The following REXO5 variants were observed in gnomAD, a reference collection of about 807,000 sequenced individuals.
REXO5 encodes the protein RNA exonuclease 5, also known as exonuclease NEF-sp.
A neutral mutation model predicts 88.5 loss-of-function variants in REXO5; 48 were observed. That is an observed-to-expected ratio of 0.54 (90% confidence interval 0.43 to 0.69). The LOEUF (loss-of-function observed/expected upper bound fraction) is 0.69. Ranked by LOEUF, REXO5 falls within the 30% of genes least tolerant of loss-of-function variation. The pLI is 0.00. For missense variants in REXO5, 749 were observed against 912.2 expected (o/e 0.82, Z 2.30); for synonymous variants, 311 against 336.5 (o/e 0.92, Z 0.83).
intron 13 of REXO5, among the ~76,000 whole-genome samples, chr16:20,839,204 C>A (rs1370874611): frequency 6.6e-6 from 1 of 152,230 alleles, no homozygotes; most frequent in African/African-American, 2.4e-5. Flanking sequence ...CTCTATATAT[C>A]TGATTCTTCT....
Position 20,839,949 on chromosome 16 carries a change from T to C in REXO5, c.1488+90T>C, listed in dbSNP as rs918475857. The stretch of plus-strand genomic sequence containing the variant: ...AAAGTAATACATGCTTTATTTAATT[T>C]GTTGTGTTTTTCTCTAGATTTTTAC... On this transcript the variant is annotated intron_variant, in intron 14 of 19. Transcript: ENST00000261377. 13 of 813,374 alleles carry C rather than the reference T, an allele frequency of 1.6e-5. No individual in the cohort carries two copies. The African/African-American group carries it at 2.0e-4, about 13-fold the overall frequency. The allele number at this position is 813,374 out of a possible 1,614,324, so 50.4% of individuals were successfully genotyped here.
chr16:20,819,270 T>G (rs2081129069), intron 5 of REXO5, among the ~76,000 whole-genome samples: 1 of 152,162 alleles, frequency 6.6e-6, no homozygotes, highest in African/African-American at 2.4e-5. Context: ...GTAACATGAT[T>G]GCTGGCTCAA....
chr16:20,833,126 G>A lies in REXO5; in HGVS notation c.1383+3G>A, dbSNP rs535423060. On this transcript the variant is annotated splice_donor_region_variant and intron_variant, in intron 13 of 19. Transcript: ENST00000261377. ...TTAAGTGTCTTTCAAATAAAGAGGT[G>A]AGTGGCCTGCTGAACCTTTGCAGGT... is the stretch of plus-strand genomic sequence containing the variant. 36 of 1,612,662 alleles carry A rather than the reference G, an allele frequency of 2.2e-5. No homozygotes were observed. In the Admixed American group the frequency reaches 2.8e-4, roughly 13 times the overall value.
At chr16:20,816,494 T>TTTTGTTTG (rs544594537) in intron 5 of REXO5, among the ~76,000 whole-genome samples, 5 of 151,858 alleles carry the variant, frequency 3.3e-5, no homozygotes, top group Non-Finnish European at 7.4e-5. Context: ...CCCCAGCTAA[T>TTTTGTTTG]TTTGTTTGTT....
At chr16:20,815,753 AAGCTGAAGCTCTCAACCTTTT>A (rs2081072422) in intron 4 of REXO5, among the ~76,000 whole-genome samples, 1 of 152,216 alleles carries the variant, frequency 6.6e-6, no homozygotes, top group South Asian at 2.1e-4. Flanking sequence ...GGTGAACCTG[AAGCTGAAGCTCTCAACCTTTT>A]TGCCGTGTGA....
rs749703299 is a variant in REXO5, at chr16:20,844,813, A to G, written c.1904A>G (p.Lys635Arg). Reference protein sequence around the residue: ...LEAVILPKDLKSGKQKKYCFL... With the variant: ...LEAVILPKDLRSGKQKKYCFL... ...GCTGTGATCTTGCCTAAAGATCTTA[A>G]AAGTGGAAAGCAGAAAAAATACTGT... is the stretch of plus-strand genomic sequence containing the variant. The change falls in exon 17 of 20, where the codon AAA (lysine) becomes AGA (arginine). Residue 635 changes from lysine to arginine, a missense_variant. Transcript: ENST00000261377. 4 of 1,614,164 alleles carry G rather than the reference A, an allele frequency of 2.5e-6. No individual in the cohort carries two copies. Among genetic ancestry groups the G allele is most frequent in the Non-Finnish European group, 3.4e-6 (4 of 1,180,030 alleles).
Position 20,824,531 on chromosome 16 carries a change from C to A in REXO5, c.705+4C>A. On this transcript the variant is annotated splice_donor_region_variant and intron_variant, in intron 7 of 19. Transcript: ENST00000261377. Reference sequence around the variant, plus strand: ...CTTTGGACTTGACTGTGAAATGGCACGTACTACTTTTAATTTTTCAATTGG... The same window carrying A: ...CTTTGGACTTGACTGTGAAATGGCAAGTACTACTTTTAATTTTTCAATTGG... 1 of 1,576,182 alleles carries A rather than the reference C, an allele frequency of 6.3e-7. No homozygotes were observed. Among genetic ancestry groups the A allele is most frequent in the Non-Finnish European group, 8.7e-7 (1 of 1,146,600 alleles).
intron 11 of REXO5, among the ~76,000 whole-genome samples, chr16:20,829,175 A>G (rs2081303447): frequency 6.6e-6 from 1 of 152,180 alleles, no homozygotes; most frequent in Non-Finnish European, 1.5e-5. Context: ...TTTTGGATCT[A>G]TAATATGGGA....
At chr16:20,812,909 A>G (rs2081022259) in intron 2 of REXO5, among the ~76,000 whole-genome samples, 1 of 152,232 alleles carries the variant, frequency 6.6e-6, no homozygotes, top group Non-Finnish European at 1.5e-5. Context: ...CCCTAGTAGA[A>G]TGGACTCTTT....
chr16:20,845,146 C>T lies in REXO5; in HGVS notation c.2029C>T (p.His677Tyr), dbSNP rs1476865723. The part of the protein sequence containing the change: ...LKGRHALTPR[H>Y]LHAWLRGLPP... ...AGGCAGGCATGCCCTAACCCCCAGGCACCTCCATGCCTGGCTCAGAGGCTT... is the reference window on the plus strand; with the variant it reads ...AGGCAGGCATGCCCTAACCCCCAGGTACCTCCATGCCTGGCTCAGAGGCTT... Residue 677 changes from histidine to tyrosine, a missense_variant, in exon 18 of 20, where the codon CAC becomes TAC. Transcript: ENST00000261377. The T allele has an allele frequency of 1.1e-5, 17 of 1,614,036 alleles. No homozygotes were observed. The highest frequency in any genetic ancestry group is 1.4e-5 in the Non-Finnish European group (17 of 1,180,042).
intron 11 of REXO5, among the ~76,000 whole-genome samples, chr16:20,830,888 A>G (rs1272864599): frequency 2.0e-5 from 3 of 152,084 alleles, no homozygotes; most frequent in Admixed American, 6.6e-5. Flanking sequence ...TACAATATCT[A>G]TCAACATTTA....
At position 20,828,568 on chromosome 16, in the gene REXO5, T is replaced by G. The variant is rs761537151; in HGVS notation, c.1158+31T>G. 8.4e-6 allele frequency: 12 copies of G among 1,432,328 alleles called. No homozygotes were observed. In the Admixed American group the frequency reaches 2.0e-4, roughly 24 times the overall value. 88.7% of individuals were successfully genotyped at this position (1,432,328 alleles called of 1,614,324 possible). A position where few individuals can be genotyped will look rare whatever the true frequency, so the allele number is the denominator to read the frequency against. On this transcript the variant is annotated intron_variant, in intron 11 of 19. Coordinates refer to ENST00000261377, the MANE Select transcript of REXO5 (RefSeq NM_030941.3). Reference sequence around the variant, plus strand: ...TATCTTTGCCCAGTGTGTTCACCTTTTCTTAAAATCATGGGACTAGATCAG... The same window carrying G: ...TATCTTTGCCCAGTGTGTTCACCTTGTCTTAAAATCATGGGACTAGATCAG...
At chr16:20,827,520 T>G in intron 10 of REXO5, 73 bp downstream of exon 10, 1 of 1,086,570 alleles carries the variant, frequency 9.2e-7, no homozygotes. Context: ...TCTAATTTAA[T>G]GCATATTGCA....
In REXO5 at chr16:20,811,281, T is replaced by C. The variant is rs144910249; in HGVS notation, c.139-1909T>C. On this transcript the variant is annotated intron_variant, in intron 2 of 19. Transcript: ENST00000261377. ...TTATTAATCTCATGTTTTTATTTGG[T>C]AAAAACAAACTGGCATATTCTTTCA... 1.1e-4 allele frequency among the ~76,000 whole-genome samples: 17 copies of C among 152,310 alleles called. 1 individual carries two copies. The East Asian group carries it at 3.3e-3, about 29-fold the overall frequency.
intron 2 of REXO5, among the ~76,000 whole-genome samples, chr16:20,808,360 C>G (rs1332109639): frequency 6.6e-6 from 1 of 152,168 alleles, no homozygotes; most frequent in Non-Finnish European, 1.5e-5. Context: ...GACAGGGTCT[C>G]TGCTCTGCTG....
chr16:20,846,012 C>T (rs1048895327), intron 18 of REXO5, among the ~76,000 whole-genome samples: 3 of 152,156 alleles, frequency 2.0e-5, no homozygotes, highest in Admixed American at 1.3e-4. Context: ...AGCTGTCCTC[C>T]CCTGAGGAAG....
chr16:20,849,390 T>G lies in REXO5; in HGVS notation c.2244-9T>G. On this transcript the variant is annotated splice_polypyrimidine_tract_variant and intron_variant, in intron 19 of 19. Transcript: ENST00000261377. ...ATAAAAACATACCTTTGTTTCTTAT[T>G]TATTGCAGCACTCATGGTTCACTCT... 1 of 1,610,988 alleles carries G rather than the reference T, an allele frequency of 6.2e-7. No individual in the cohort carries two copies. Among genetic ancestry groups the G allele is most frequent in the Non-Finnish European group, 8.5e-7 (1 of 1,177,380 alleles).
At chr16:20,807,210 C>A in intron 2 of REXO5, 119 bp downstream of exon 2, 1 of 1,096,778 alleles carries the variant, frequency 9.1e-7, no homozygotes, top group Non-Finnish European at 1.3e-6. Flanking sequence ...CTCTCCGAAC[C>A]TGATCCCTGA....
intron 7 of REXO5, chr16:20,825,510 G>A (rs2081247609): frequency 5.1e-6 from 1 of 197,228 alleles, no homozygotes; most frequent in Admixed American, 5.9e-5. Flanking sequence ...TAATAGAATG[G>A]GCTTCATAAA....
Sources: gnomAD v4.1 joint callset for allele counts (sites outside exome capture counted in the v4.1 genomes callset) on GRCh38, gnomAD v4.1.1 for gene constraint, MANE v1.5 for transcripts, NCBI Gene and HGNC (gene_info 2026-07-23, HGNC 2026-07-21) for gene names.